Variants in RAB38 observed in about 807,000 individuals in gnomAD.
RAB38 encodes RAB38, member RAS oncogene family.
In RAB38, 15 loss-of-function variants were observed where a neutral mutation model predicts 18.4. That is an observed-to-expected ratio of 0.82 (90% CI 0.55 to 1.26). RAB38 has a LOEUF of 1.26. RAB38 is among the 50% of genes most tolerant of loss of function. The pLI, the probability that RAB38 is intolerant of heterozygous loss-of-function variation, is 0.00. For missense variants in RAB38, 294 were observed against 267.4 expected, an observed-to-expected ratio of 1.10 and a Z score of -0.69; for synonymous variants, 101 against 104.4, an observed-to-expected ratio of 0.97 and a Z score of 0.20.
At chr11:88,135,105 C>T (rs765776547) in intron 2 of RAB38, among the ~76,000 whole-genome samples, 4 of 146,640 alleles carry the variant, frequency 2.7e-5, no homozygotes, top group Admixed American at 6.6e-5. Context: ...TTAAAAACAA[C>T]AACAACAACA....
At chr11:87,924,836 T>G in the RAB38 span, among the ~76,000 whole-genome samples, 2 of 152,060 alleles carry the variant, frequency 1.3e-5, no homozygotes, top group African/African-American at 2.4e-5. Flanking sequence ...GTTTTTCCAC[T>G]GCATCTCATT....
chr11:87,973,134 G>A, the RAB38 span, among the ~76,000 whole-genome samples: 2 of 151,850 alleles, frequency 1.3e-5, no homozygotes, highest in Non-Finnish European at 2.9e-5. Context: ...CCAGTCTCAG[G>A]TATTTCTTTA....
chr11:87,825,494 G>A, the RAB38 span, among the ~76,000 whole-genome samples: 17 of 152,076 alleles, frequency 1.1e-4, no homozygotes, highest in African/African-American at 4.1e-4. Flanking sequence ...TAGCCCTGGT[G>A]TCTGCTTGTA....
chr11:88,012,940 A>G, the RAB38 span, among the ~76,000 whole-genome samples: 1 of 152,162 alleles, frequency 6.6e-6, no homozygotes, highest in East Asian at 1.9e-4. Flanking sequence ...ACGTGTACAG[A>G]AAGTATTGTG....
At chr11:87,936,370 C>A in the RAB38 span, among the ~76,000 whole-genome samples, 1 of 151,948 alleles carries the variant, frequency 6.6e-6, no homozygotes, top group African/African-American at 2.4e-5. Context: ...ATTGGATGTC[C>A]AATTGTTCCA....
chr11:88,126,965 T>G (rs912019852), intron 2 of RAB38, among the ~76,000 whole-genome samples: 1 of 152,186 alleles, frequency 6.6e-6, no homozygotes, highest in African/African-American at 2.4e-5. Context: ...CAACTATTAT[T>G]GTTAAGTCAT....
chr11:87,919,625 T>C, the RAB38 span, among the ~76,000 whole-genome samples: 1 of 151,850 alleles, frequency 6.6e-6, no homozygotes, highest in Non-Finnish European at 1.5e-5. Flanking sequence ...CTAAAATGAG[T>C]TGGGAAGCGT....
chr11:87,966,582 A>G, the RAB38 span, among the ~76,000 whole-genome samples: 1 of 152,182 alleles, frequency 6.6e-6, no homozygotes, highest in African/African-American at 2.4e-5. Flanking sequence ...CTCCCACCCC[A>G]TATAGTAAAT....
chr11:88,018,002 T>C, the RAB38 span, among the ~76,000 whole-genome samples: 1 of 152,044 alleles, frequency 6.6e-6, no homozygotes, highest in Admixed American at 6.6e-5. Context: ...TCTTCTCTTG[T>C]CTGCCGCCGT....
chr11:87,953,572 C>A, the RAB38 span, among the ~76,000 whole-genome samples: 1 of 152,088 alleles, frequency 6.6e-6, no homozygotes, highest in East Asian at 1.9e-4. Context: ...TAATTGTTTA[C>A]ATTATTATTA....
At chr11:88,129,047 T>A (rs1942737480) in intron 2 of RAB38, among the ~76,000 whole-genome samples, 1 of 152,230 alleles carries the variant, frequency 6.6e-6, no homozygotes, top group African/African-American at 2.4e-5. Context: ...AATGTAGATG[T>A]ATGCATTCAC....
At chr11:88,169,790 C>T (rs1335263940) in intron 1 of RAB38, among the ~76,000 whole-genome samples, 4 of 152,198 alleles carry the variant, frequency 2.6e-5, no homozygotes, top group Non-Finnish European at 5.9e-5. Context: ...AACATCTCTG[C>T]ACCATGAGAG....
intron 1 of RAB38, among the ~76,000 whole-genome samples, chr11:88,161,657 T>G (rs1565220677): frequency 2.0e-5 from 3 of 152,122 alleles, no homozygotes. Flanking sequence ...TGCCTTATCA[T>G]GTATTTGTGA....
chr11:88,101,843 CTAT>C, the RAB38 span, among the ~76,000 whole-genome samples: 2,835 of 151,388 alleles, frequency 0.019, 92 homozygotes, highest in African/African-American at 0.062. Context: ...TATAATTACA[CTAT>C]TATATTTATA....
chr11:87,845,983 G>T, the RAB38 span, among the ~76,000 whole-genome samples: 2 of 152,070 alleles, frequency 1.3e-5, no homozygotes, highest in African/African-American at 4.8e-5. Flanking sequence ...ATATAAAACT[G>T]AGAGCATGTG....
the RAB38 span, among the ~76,000 whole-genome samples, chr11:88,014,227 G>A: frequency 1.3e-5 from 2 of 152,092 alleles, no homozygotes; most frequent in African/African-American, 4.8e-5. Context: ...TCAACTGCAT[G>A]TTACGGATGA....
chr11:88,092,057 G>C, the RAB38 span, among the ~76,000 whole-genome samples: 2 of 151,712 alleles, frequency 1.3e-5, no homozygotes, highest in African/African-American at 4.8e-5. Context: ...AACTGTCATG[G>C]TGCTGTTGGG....
the RAB38 span, among the ~76,000 whole-genome samples, chr11:88,023,367 A>T: frequency 1.2e-4 from 18 of 151,634 alleles, no homozygotes; most frequent in Admixed American, 3.3e-4. Context: ...TCTACAAAAA[A>T]AAAACCTACA....
At chr11:87,890,393 A>G in the RAB38 span, among the ~76,000 whole-genome samples, 1 of 151,752 alleles carries the variant, frequency 6.6e-6, no homozygotes, top group Non-Finnish European at 1.5e-5. Flanking sequence ...AGCTCCTCCT[A>G]TGTTCTTCTG....
Sources: allele counts gnomAD v4.1 joint callset (sites outside exome capture counted in the v4.1 genomes callset), GRCh38; gene constraint gnomAD v4.1.1; transcripts MANE v1.5; gene names NCBI Gene and HGNC (gene_info 2026-07-23, HGNC 2026-07-21).